Variants in NELL2 observed in about 807,000 individuals in gnomAD.
The protein encoded by NELL2 is neural EGFL like 2.
Under a neutral mutation model 109.6 loss-of-function variants are expected in NELL2, and 41 were observed. That is an observed-to-expected ratio of 0.37 (90% CI 0.29 to 0.49). The LOEUF is 0.49. Among genes scored for constraint, NELL2 ranks in the 20% least tolerant of loss-of-function variants. The pLI, the probability that NELL2 is intolerant of heterozygous loss-of-function variation, is 0.98. For missense variants in NELL2, 900 were observed against 1,008.3 expected (o/e 0.89, Z 1.45); for synonymous variants, 355 against 344.7 (o/e 1.03, Z -0.33).
chr12:44,888,525 G>C (rs1945499894), intron 1 of NELL2, among the ~76,000 whole-genome samples: 1 of 151,478 alleles, frequency 6.6e-6, no homozygotes, highest in African/African-American at 2.4e-5. Context: ...AGAATGATTA[G>C]AGACTATAAT....
intron 15 of NELL2, among the ~76,000 whole-genome samples, chr12:44,544,636 T>TAA (rs1164512672): frequency 1.3e-5 from 2 of 152,172 alleles, no homozygotes; most frequent in Non-Finnish European, 2.9e-5. Flanking sequence ...TAACTATGTG[T>TAA]CTTTTTTCTT....
chr12:44,894,911 T>G (rs1484622229), intron 1 of NELL2, among the ~76,000 whole-genome samples: 1 of 152,204 alleles, frequency 6.6e-6, no homozygotes, highest in Non-Finnish European at 1.5e-5. Context: ...TTTCTTATCT[T>G]GTAGAAAGAC....
In NELL2 at chr12:44,779,278, T is replaced by C. The variant is rs111825826; in HGVS notation, c.606+385A>G. Among the ~76,000 whole-genome samples the C allele has an allele frequency of 6.4e-3, 979 of 152,314 alleles. 17 individuals are homozygous for C. The highest frequency in any genetic ancestry group is 0.02 in the African/African-American group (829 of 41,566). On this transcript the variant is annotated intron_variant, in intron 5 of 19. Transcript: ENST00000429094. The stretch of plus-strand genomic sequence containing the variant: ...CAGTACAAGGAGACCATGAATAATA[T>C]ATACTAAAAAGCTTTCAATCCGCTA...
At chr12:44,646,281 G>A (rs1169510258) in intron 13 of NELL2, among the ~76,000 whole-genome samples, 1 of 152,044 alleles carries the variant, frequency 6.6e-6, no homozygotes, top group African/African-American at 2.4e-5. Context: ...ACTTCCAAAA[G>A]GTCACACAGT....
At chr12:44,837,518 C>T (rs572184119) in intron 2 of NELL2, among the ~76,000 whole-genome samples, 2 of 152,300 alleles carry the variant, frequency 1.3e-5, no homozygotes, top group Non-Finnish European at 2.9e-5. Context: ...CTCTTAACCT[C>T]TACACTACAA....
At chr12:44,614,966 C>T (rs1396522311) in intron 13 of NELL2, among the ~76,000 whole-genome samples, 1 of 152,000 alleles carries the variant, frequency 6.6e-6, no homozygotes, top group African/African-American at 2.4e-5. Context: ...CAATTTAGTA[C>T]ATTTTTCTTC....
At chr12:44,893,754 A>C (rs1945562671) in intron 1 of NELL2, among the ~76,000 whole-genome samples, 1 of 152,172 alleles carries the variant, frequency 6.6e-6, no homozygotes, top group Non-Finnish European at 1.5e-5. Flanking sequence ...GTAGCATCCT[A>C]AATAATGAGA....
chr12:44,916,096 T>G (rs1182862351), upstream of NELL2, among the ~76,000 whole-genome samples: 1 of 152,194 alleles, frequency 6.6e-6, no homozygotes, highest in African/African-American at 2.4e-5. Flanking sequence ...TAAATCAAAG[T>G]TAAAGTATCA....
intron 3 of NELL2, among the ~76,000 whole-genome samples, chr12:44,789,387 G>A (rs1457002144): frequency 6.6e-6 from 1 of 152,144 alleles, no homozygotes; most frequent in East Asian, 1.9e-4. Context: ...AACAATCACT[G>A]CAGCTTCACA....
At chr12:44,873,784 T>A (rs1456828425) in intron 2 of NELL2, among the ~76,000 whole-genome samples, 1 of 151,882 alleles carries the variant, frequency 6.6e-6, no homozygotes, top group Non-Finnish European at 1.5e-5. Context: ...CTGACACTTC[T>A]ATTCAACTGT....
chr12:44,819,126 A>G (rs966057209), intron 2 of NELL2, among the ~76,000 whole-genome samples: 1 of 152,322 alleles, frequency 6.6e-6, no homozygotes, highest in East Asian at 1.9e-4. Flanking sequence ...TGAAGAAACT[A>G]AAAGAACAGA....
chr12:44,547,721 A>G (rs1942857286), intron 15 of NELL2, among the ~76,000 whole-genome samples: 2 of 149,970 alleles, frequency 1.3e-5, no homozygotes, highest in Admixed American at 6.6e-5. Context: ...GGTCAAGGCA[A>G]TCTCATCTCA....
intron 15 of NELL2, among the ~76,000 whole-genome samples, chr12:44,598,279 A>G (rs1945051650): frequency 6.6e-6 from 1 of 151,986 alleles, no homozygotes. Context: ...CTTCTTCCAG[A>G]AAGTTTCCAT....
intron 1 of NELL2, among the ~76,000 whole-genome samples, chr12:44,910,064 C>T (rs376115): frequency 7.2e-5 from 11 of 151,798 alleles, no homozygotes; most frequent in East Asian, 1.9e-4. Flanking sequence ...TTCTGGACAT[C>T]GGCCTTAGGA....
chr12:44,572,821 G>T (rs1943926116), intron 15 of NELL2, among the ~76,000 whole-genome samples: 1 of 152,188 alleles, frequency 6.6e-6, no homozygotes, highest in Non-Finnish European at 1.5e-5. Flanking sequence ...TATGTGACAT[G>T]GCTAAGAAGC....
chr12:44,847,498 G>A (rs1489704595), intron 2 of NELL2, among the ~76,000 whole-genome samples: 1 of 150,906 alleles, frequency 6.6e-6, no homozygotes, highest in Non-Finnish European at 1.5e-5. Flanking sequence ...CTTTCTAAAT[G>A]CATTTACCTT....
intron 13 of NELL2, among the ~76,000 whole-genome samples, chr12:44,626,370 A>G (rs78484904): frequency 0.039 from 5,876 of 152,230 alleles, 370 homozygotes; most frequent in African/African-American, 0.13. Flanking sequence ...GATGCTATTA[A>G]TTCACAGGTT....
intron 2 of NELL2, among the ~76,000 whole-genome samples, chr12:44,832,654 C>G (rs1449326061): frequency 6.6e-6 from 1 of 152,212 alleles, no homozygotes; most frequent in Admixed American, 6.5e-5. Context: ...CTCAACATTT[C>G]TTGGCATTGC....
chr12:44,835,303 T>G (rs1408894024), intron 2 of NELL2, among the ~76,000 whole-genome samples: 1 of 152,168 alleles, frequency 6.6e-6, no homozygotes, highest in Non-Finnish European at 1.5e-5. Flanking sequence ...CCAAAAAGAA[T>G]TATTCAGTGG....
Sources: gnomAD v4.1 joint callset for allele counts (sites outside exome capture counted in the v4.1 genomes callset) on GRCh38, gnomAD v4.1.1 for gene constraint, MANE v1.5 for transcripts, NCBI Gene and HGNC (gene_info 2026-07-23, HGNC 2026-07-21) for gene names.